Variants in PTPRD observed in about 807,000 individuals in gnomAD.
PTPRD encodes the protein receptor-type tyrosine-protein phosphatase delta.
In PTPRD, 34 loss-of-function variants were observed where a neutral mutation model predicts 214.5. That is an observed-to-expected ratio of 0.16 (90% CI 0.12 to 0.21). PTPRD has a LOEUF of 0.21. Among genes scored for constraint, PTPRD ranks in the 10% least tolerant of loss-of-function variants. The pLI is 1.00. For synonymous variants in PTPRD, 1,128 were observed against 845.7 expected (o/e 1.33, Z -5.79); for missense variants, 2,545 against 2,398.7 (o/e 1.06, Z -1.27).
At chr9:8,975,301 C>T (rs2099262288) in intron 11 of PTPRD, among the ~76,000 whole-genome samples, 2 of 151,940 alleles carry the variant, frequency 1.3e-5, no homozygotes, top group South Asian at 2.1e-4. Context: ...TAAACAATCA[C>T]TTTGTTTCAA....
chr9:8,914,754 G>A (rs2098772831), intron 11 of PTPRD, among the ~76,000 whole-genome samples: 1 of 152,074 alleles, frequency 6.6e-6, no homozygotes, highest in Non-Finnish European at 1.5e-5. Context: ...CAATAGTTTA[G>A]AATTTAGACC....
intron 2 of PTPRD, among the ~76,000 whole-genome samples, chr9:10,505,229 G>A (rs943636280): frequency 2.0e-5 from 3 of 152,138 alleles, no homozygotes; most frequent in African/African-American, 7.2e-5. Context: ...CTTATCTGAG[G>A]TATTGCAAAA....
chr9:10,117,086 G>C (rs891323066), intron 3 of PTPRD, among the ~76,000 whole-genome samples: 1 of 151,978 alleles, frequency 6.6e-6, no homozygotes, highest in Non-Finnish European at 1.5e-5. Flanking sequence ...AAATTCATCA[G>C]AGCAGGAATT....
In PTPRD at chr9:8,614,450, G is replaced by C. The variant is rs567644992; in HGVS notation, c.352+18867C>G. Among the ~76,000 whole-genome samples, 7 of 152,268 alleles carry C rather than the reference G, an allele frequency of 4.6e-5. 1 individual carries two copies. In the South Asian group the frequency reaches 1.4e-3, roughly 32 times the overall value. On this transcript the variant is annotated intron_variant, in intron 14 of 45. Coordinates refer to ENST00000381196, the MANE Select transcript of PTPRD (RefSeq NM_002839.4). ...TCCCTGCCTGTATTCAGTTTGATAA[G>C]ATGCCACACAGATTAATGCTGAATG...
chr9:10,291,747 G>C (rs2095533807), intron 3 of PTPRD, among the ~76,000 whole-genome samples: 1 of 152,034 alleles, frequency 6.6e-6, no homozygotes, highest in African/African-American at 2.4e-5. Flanking sequence ...TGGACTCCAG[G>C]ACTGTACAAA....
Position 8,804,994 on chromosome 9 carries a change from A to G in PTPRD, c.-103-71048T>C, listed in dbSNP as rs2096646779. ...CTATTTCTGCTGTAACAGAGGAAAA[A>G]GAAGGGGAGGCTCAGAAGGGATTAC... On this transcript the variant is annotated intron_variant, in intron 11 of 45. Transcript: ENST00000381196. 2.0e-5 allele frequency among the ~76,000 whole-genome samples: 3 copies of G among 152,328 alleles called. No homozygotes were observed. In the East Asian group the frequency reaches 5.8e-4, roughly 29 times the overall value.
intron 11 of PTPRD, among the ~76,000 whole-genome samples, chr9:8,857,954 C>T (rs1021753678): frequency 4.0e-5 from 6 of 150,142 alleles, no homozygotes; most frequent in African/African-American, 9.8e-5. Flanking sequence ...CCTCCTCCGC[C>T]TCCTCCTCCT....
Position 10,065,445 on chromosome 9 carries a change from T to C in PTPRD, c.-544-31655A>G, listed in dbSNP as rs1009158077. Among the ~76,000 whole-genome samples the C allele has an allele frequency of 2.6e-5, 4 of 151,404 alleles. No individual in the cohort carries two copies. The South Asian group carries it at 8.4e-4, about 32-fold the overall frequency. ...CTTTGAAGCAAGAACTCCATTAGGC[T>C]TTTTTTTTATTTTTTTTCTTGGGAG... On this transcript the variant is annotated intron_variant, in intron 3 of 45. Transcript: ENST00000381196.
At chr9:9,429,747 A>C (rs2082336390) in intron 8 of PTPRD, among the ~76,000 whole-genome samples, 2 of 152,202 alleles carry the variant, frequency 1.3e-5, no homozygotes, top group Admixed American at 1.3e-4. Context: ...CTGGTTCAAC[A>C]TACATAAATC....
intron 21 of PTPRD, among the ~76,000 whole-genome samples, chr9:8,507,953 T>A (rs938753812): frequency 1.3e-5 from 2 of 152,150 alleles, no homozygotes; most frequent in Admixed American, 1.3e-4. Context: ...TCAGCATTTT[T>A]TCTTACCAGC....
intron 2 of PTPRD, among the ~76,000 whole-genome samples, chr9:10,598,221 G>A (rs7357685): frequency 0.14 from 20,544 of 151,672 alleles, 1,525 homozygotes; most frequent in East Asian, 0.21. Flanking sequence ...ATATTACTCC[G>A]AACTTGAACA....
intron 3 of PTPRD, among the ~76,000 whole-genome samples, chr9:10,050,453 G>A (rs2097509944): frequency 6.7e-6 from 1 of 149,524 alleles, no homozygotes; most frequent in African/African-American, 2.5e-5. Flanking sequence ...CCAGCTACTT[G>A]GGAGGCTGAG....
chr9:10,093,407 C>T (rs1049296935), intron 3 of PTPRD, among the ~76,000 whole-genome samples: 4 of 151,382 alleles, frequency 2.6e-5, no homozygotes, highest in African/African-American at 9.7e-5. Context: ...GTTTCTTATA[C>T]TACCAGTCAG....
At chr9:9,167,541 G>C (rs2099906606) in intron 10 of PTPRD, among the ~76,000 whole-genome samples, 1 of 152,040 alleles carries the variant, frequency 6.6e-6, no homozygotes, top group Admixed American at 6.6e-5. Flanking sequence ...GATCACCTGA[G>C]ATCGGGAGTT....
intron 11 of PTPRD, among the ~76,000 whole-genome samples, chr9:8,948,553 T>A (rs796455976): frequency 2.2e-4 from 16 of 74,024 alleles, no homozygotes; most frequent in East Asian, 8.4e-4. Context: ...TTATATATAT[T>A]TATATATATT....
Position 9,148,769 on chromosome 9 carries a change from T to C in PTPRD, c.-143+34535A>G, listed in dbSNP as rs572506042. 7.2e-5 allele frequency among the ~76,000 whole-genome samples: 11 copies of C among 152,340 alleles called. No individual in the cohort carries two copies. The South Asian group carries it at 1.2e-3, about 17-fold the overall frequency. ...AGACAACGAATAGCTCAATGTACCA[T>C]TGCATTCTCATTCAGTGATATTTAT... On this transcript the variant is annotated intron_variant, in intron 10 of 45. Coordinates refer to ENST00000381196, the MANE Select transcript of PTPRD (RefSeq NM_002839.4).
At chr9:8,815,063 T>A (rs73429098) in intron 11 of PTPRD, among the ~76,000 whole-genome samples, 2 of 152,190 alleles carry the variant, frequency 1.3e-5, no homozygotes, top group Non-Finnish European at 2.9e-5. Flanking sequence ...TGGACAAGAA[T>A]TGTCATATCT....
At chr9:8,663,795 A>ATAGTATATTTGAAACATGATGG (rs1185770284) in intron 12 of PTPRD, among the ~76,000 whole-genome samples, 24 of 151,938 alleles carry the variant, frequency 1.6e-4, no homozygotes, top group Admixed American at 1.5e-3. Context: ...CCAGCCTTTA[A>ATAGTATATTTGAAACATGATGG]TAGTATATTT....
intron 10 of PTPRD, among the ~76,000 whole-genome samples, chr9:9,129,778 T>C (rs1237220160): frequency 1.3e-5 from 2 of 152,198 alleles, no homozygotes; most frequent in African/African-American, 4.8e-5. Context: ...CATATTGACA[T>C]TGTAGTTATT....
Sources: gnomAD v4.1 joint callset for allele counts (sites outside exome capture counted in the v4.1 genomes callset) on GRCh38, gnomAD v4.1.1 for gene constraint, MANE v1.5 for transcripts, NCBI Gene and HGNC (gene_info 2026-07-23, HGNC 2026-07-21) for gene names.